Variants in OSBPL7 observed in about 807,000 individuals in gnomAD.
OSBPL7 encodes the protein oxysterol binding protein like 7.
OSBPL7 carries 66 observed loss-of-function variants against 115.8 expected under a neutral mutation model. The ratio of observed to expected loss-of-function variants is 0.57; its 90% CI spans 0.47 to 0.70. The LOEUF (loss-of-function observed/expected upper bound fraction) is 0.70, where lower values mean the gene tolerates loss of function less well. Ranked by LOEUF, OSBPL7 falls within the 30% of genes least tolerant of loss-of-function variation. The pLI, the probability that OSBPL7 is intolerant of heterozygous loss-of-function variation, is 0.00. For synonymous variants in OSBPL7, 441 were observed against 439.2 expected, an observed-to-expected ratio of 1.00 and a Z score of -0.05; for missense variants, 902 against 1,125.5, an observed-to-expected ratio of 0.80 and a Z score of 2.84.
chr17:47,810,305 C>G (rs1463001281), intron 18 of OSBPL7, among the ~76,000 whole-genome samples: 1 of 152,168 alleles, frequency 6.6e-6, no homozygotes, highest in African/African-American at 2.4e-5. Context: ...GTCTCAAAGG[C>G]ATTTCTGACT....
At chr17:47,821,227 G>A (rs911198077) in intron 1 of OSBPL7, among the ~76,000 whole-genome samples, 2 of 152,132 alleles carry the variant, frequency 1.3e-5, no homozygotes, top group African/African-American at 2.4e-5. Context: ...TGTGTGAGAC[G>A]GGGGAGGGGA....
Position 47,808,673 on chromosome 17 carries a change from A to T in OSBPL7, c.2298-13T>A. 6.2e-7 allele frequency: 1 copy of T among 1,613,990 alleles called. No individual in the cohort carries two copies. The highest frequency in any genetic ancestry group is 8.5e-7 in the Non-Finnish European group (1 of 1,179,942). ...CTCCTCCAGGTACCTGAGGATCCAGATCAAACTCAGGGGAACTGCCCATCT... is the reference window on the plus strand; with the variant it reads ...CTCCTCCAGGTACCTGAGGATCCAGTTCAAACTCAGGGGAACTGCCCATCT... On this transcript the variant is annotated splice_polypyrimidine_tract_variant and intron_variant, in intron 21 of 22. Transcript: ENST00000007414. This position sits in a 1 kb window ranked among gnomAD's most constrained non-coding sequence, Gnocchi z 6.1.
chr17:47,814,880 T>C (rs1339184619), intron 13 of OSBPL7: 4 of 560,268 alleles, frequency 7.1e-6, no homozygotes, highest in African/African-American at 1.9e-5. Context: ...GGAAGGGAAG[T>C]TGGGGATTAC....
chr17:47,809,101 T>C lies in OSBPL7; in HGVS notation c.2145A>G (p.Pro715=), dbSNP rs2032949846. The part of the protein sequence containing the change: ...WHEGLYRGPT[P]GGQCIWKPNS... ...TGGGTTTCCAGATGCACTGGCCACC[T>C]GGCGTGGGTCCCCGGTACAGCCCCT... Residue 715 remains proline (P), a synonymous_variant, in exon 20 of 23, where the codon CCA becomes CCG. Transcript: ENST00000007414. The C allele has an allele frequency of 3.7e-6, 6 of 1,614,094 alleles. No individual in the cohort carries two copies. Among genetic ancestry groups the C allele is most frequent in the Non-Finnish European group, 4.2e-6 (5 of 1,180,028 alleles).
At chr17:47,817,391 C>A (rs746799922) in intron 7 of OSBPL7, 32 bp from the exon 8 acceptor site, 2 of 1,505,760 alleles carry the variant, frequency 1.3e-6, no homozygotes, top group African/African-American at 1.4e-5. Context: ...ACAAGAACAC[C>A]ATTCATTTTT....
At position 47,810,607 on chromosome 17, in the gene OSBPL7, C is replaced by T. The variant is rs1005824675; in HGVS notation, c.1867G>A (p.Val623Ile). The T allele has an allele frequency of 9.9e-6, 16 of 1,613,936 alleles. No homozygotes were observed. The highest frequency in any genetic ancestry group is 2.2e-5 in the East Asian group (1 of 44,894). Residue 623 changes from valine (V) to isoleucine (I), a missense_variant, in exon 18 of 23, where the codon GTC becomes ATC. By Grantham distance (29) the Val-to-Ile change is conservative. Transcript: ENST00000007414. ...LEIVPVGTVN[V>I]SLPRFGDHFE... Reference sequence around the variant, plus strand: ...TAAGAATCCCACCTGGGCAGGCTGACGTTGACTGTTCCCACAGGCACAATC... The same window carrying T: ...TAAGAATCCCACCTGGGCAGGCTGATGTTGACTGTTCCCACAGGCACAATC...
Position 47,818,340 on chromosome 17 carries a change from G to C in OSBPL7, c.527C>G (p.Pro176Arg), listed in dbSNP as rs771238399. 2 of 1,614,184 alleles carry C rather than the reference G, an allele frequency of 1.2e-6. No individual in the cohort carries two copies. Among genetic ancestry groups the C allele is most frequent in the Admixed American group, 1.7e-5 (1 of 60,020 alleles). Residue 176 changes from proline to arginine, a missense_variant, in exon 7 of 23, where the codon CCT becomes CGT. By Grantham distance (103) the Pro-to-Arg change is moderately radical. Transcript: ENST00000007414. ...CACTTTCTCCCGCGGTCCAAGCCCA[G>C]GTAGGGCTGAGGCAGTAGCTGCTGT... ...LPTAATASAL[P>R]GLGPREKVSS...
In OSBPL7 at chr17:47,815,272, G is replaced by A. The variant is rs754179883; in HGVS notation, c.1200C>T (p.His400=). 3.7e-6 allele frequency: 6 copies of A among 1,614,022 alleles called. No individual in the cohort carries two copies. The highest frequency in any genetic ancestry group is 3.3e-4 in the Middle Eastern group (2 of 6,058). The part of the protein sequence containing the change: ...QTSILSLADS[H]TEFFDACEVL... ...CCTCGCAGGCATCGAAGAACTCCGTGTGGGAATCAGCAAGGGACAGGATGC... is the reference window on the plus strand; with the variant it reads ...CCTCGCAGGCATCGAAGAACTCCGTATGGGAATCAGCAAGGGACAGGATGC... The change falls in exon 13 of 23, where the codon CAC becomes CAT. Residue 400 remains histidine (H), a synonymous_variant. Coordinates refer to ENST00000007414, the MANE Select transcript of OSBPL7 (RefSeq NM_145798.3).
chr17:47,809,597 A>G (rs1205003034), intron 18 of OSBPL7, 119 bp from the exon 19 acceptor site: 5 of 1,163,790 alleles, frequency 4.3e-6, no homozygotes, highest in Non-Finnish European at 6.0e-6. Flanking sequence ...TGGGGTCCCA[A>G]CTCCAGTTCT....
Position 47,819,099 on chromosome 17 carries a change from T to C in OSBPL7, c.256A>G (p.Ile86Val). 6.2e-7 allele frequency: 1 copy of C among 1,613,366 alleles called. No homozygotes were observed. Among genetic ancestry groups the C allele is most frequent in the Non-Finnish European group, 8.5e-7 (1 of 1,179,374 alleles). ...ILHYATTRQD[I>V]TKGKLHGSID... The stretch of plus-strand genomic sequence containing the variant: ...GAGCCATGGAGCTTCCCCTTGGTGA[T>C]CTGGGGGTGAAGTGTTGGTAGAGGG... Residue 86 changes from isoleucine (I) to valine (V), a missense_variant and splice_region_variant, in exon 5 of 23, where the codon ATC becomes GTC. By Grantham distance (29) the Ile-to-Val change is conservative. Around this residue, in one of 3 missense-constraint regions of OSBPL7, gnomAD observed 667 missense variants for 788.7 expected, o/e 0.85. Transcript: ENST00000007414.
At chr17:47,810,241 T>G (rs2032998100) in intron 18 of OSBPL7, among the ~76,000 whole-genome samples, 1 of 152,156 alleles carries the variant, frequency 6.6e-6, no homozygotes, top group South Asian at 2.1e-4. Context: ...GACCCCTGAG[T>G]CCTGAGATCA....
chr17:47,819,788 A>T lies in OSBPL7; in HGVS notation c.202-6T>A, dbSNP rs751760726. ...TCCTCGAGCACAAAGTATCTCTGTGATGTTGCCCAGGAGTGACAGGACCCG... is the reference window on the plus strand; with the variant it reads ...TCCTCGAGCACAAAGTATCTCTGTGTTGTTGCCCAGGAGTGACAGGACCCG... On this transcript the variant is annotated splice_polypyrimidine_tract_variant and splice_region_variant and intron_variant, in intron 3 of 22. Coordinates refer to ENST00000007414, the MANE Select transcript of OSBPL7 (RefSeq NM_145798.3). The T allele has an allele frequency of 1.9e-6, 3 of 1,614,074 alleles. No individual in the cohort carries two copies. In the Admixed American group the frequency reaches 5.0e-5, roughly 27 times the overall value.
chr17:47,813,954 C>A (rs753956604), intron 14 of OSBPL7, 120 bp from the exon 15 acceptor site: 48 of 1,330,220 alleles, frequency 3.6e-5, no homozygotes, highest in Non-Finnish European at 3.0e-6. Context: ...CGCCCCTGAG[C>A]CCTTGTCTCG....
chr17:47,816,661 G>A lies in OSBPL7; in HGVS notation c.830C>T (p.Ser277Phe). 1 of 1,614,126 alleles carries A rather than the reference G, an allele frequency of 6.2e-7. No homozygotes were observed. Among genetic ancestry groups the A allele is most frequent in the Non-Finnish European group, 8.5e-7 (1 of 1,180,036 alleles). Residue 277 changes from serine to phenylalanine, a missense_variant, in exon 10 of 23, where the codon TCT (serine) becomes TTT (phenylalanine). Ser to Phe is a radical substitution (Grantham distance 155, BLOSUM62 -2). Coordinates refer to ENST00000007414, the MANE Select transcript of OSBPL7 (RefSeq NM_145798.3). This position sits in a 1 kb window ranked among gnomAD's most constrained non-coding sequence, Gnocchi z 5.8. ...GRLHGSVPNL[S>F]RYLESRDSSG... ...GGAGTCCCGAGACTCCAGGTAGCGA[G>A]ACAGGTTGGGAACAGAGCCATGGAG...
intron 4 of OSBPL7, 51 bp from the exon 5 acceptor site, chr17:47,819,150 G>C (rs751591649): frequency 6.8e-7 from 1 of 1,465,430 alleles, no homozygotes. Flanking sequence ...TAGGCTCTCA[G>C]AGCCATAGAG....
intron 7 of OSBPL7, among the ~76,000 whole-genome samples, chr17:47,818,042 C>T (rs567690781): frequency 1.3e-5 from 2 of 152,348 alleles, no homozygotes; most frequent in East Asian, 3.9e-4. Flanking sequence ...TTTGTCACAA[C>T]TCCTGTCCCT....
In OSBPL7 at chr17:47,808,048, C is replaced by T; in HGVS notation, c.*243G>A. On this transcript the variant is annotated 3_prime_UTR_variant, in exon 23 of 23. Coordinates refer to ENST00000007414, the MANE Select transcript of OSBPL7 (RefSeq NM_145798.3). This position sits in a 1 kb window ranked among gnomAD's most constrained non-coding sequence, Gnocchi z 6.1. Reference sequence around the variant, plus strand: ...GAATGGTGAAGCGGGAAGGGTCTTACATGCTGGTTGTCTGGGGCAAGGAGA... The same window carrying T: ...GAATGGTGAAGCGGGAAGGGTCTTATATGCTGGTTGTCTGGGGCAAGGAGA... 1.8e-6 allele frequency: 1 copy of T among 562,490 alleles called. No individual in the cohort carries two copies. Among genetic ancestry groups the T allele is most frequent in the South Asian group, 2.2e-5 (1 of 46,384 alleles). 34.8% of individuals were successfully genotyped at this position (562,490 alleles called of 1,614,324 possible). A position where few individuals can be genotyped will look rare whatever the true frequency, so the allele number is the denominator to read the frequency against.
In OSBPL7 at chr17:47,816,781, C is replaced by G; in HGVS notation, c.794G>C (p.Arg265Pro). 1 of 1,614,158 alleles carries G rather than the reference C, an allele frequency of 6.2e-7. No homozygotes were observed. The highest frequency in any genetic ancestry group is 2.2e-5 in the East Asian group (1 of 44,872). ...QSFAKDDTIG[R>P]VGRLHGSVPN... Reference sequence around the variant, plus strand: ...CGTGAGGTGCATGCCCGACCTCACCCGTCCAATGGTGTCATCCTTGGCAAA... The same window carrying G: ...CGTGAGGTGCATGCCCGACCTCACCGGTCCAATGGTGTCATCCTTGGCAAA... The change falls in exon 9 of 23, where the codon CGG (arginine) becomes CCG (proline). Residue 265 changes from arginine to proline, a missense_variant and splice_region_variant. By Grantham distance (103) the Arg-to-Pro change is moderately radical. This residue lies in a region of OSBPL7 where 667 missense variants were observed against 788.7 expected (regional missense o/e 0.85). Coordinates refer to ENST00000007414, the MANE Select transcript of OSBPL7 (RefSeq NM_145798.3). This position sits in a 1 kb window ranked among gnomAD's most constrained non-coding sequence, Gnocchi z 5.8.
intron 7 of OSBPL7, among the ~76,000 whole-genome samples, chr17:47,817,893 C>G (rs1391233525): frequency 6.6e-6 from 1 of 151,286 alleles, no homozygotes; most frequent in Non-Finnish European, 1.5e-5. Context: ...TGCTCACCCT[C>G]TCTCTCTCTC....
Sources: gnomAD v4.1 joint callset for allele counts (sites outside exome capture counted in the v4.1 genomes callset) on GRCh38, gnomAD v4.1.1 for gene constraint, gnomAD v4.1.1 regional missense constraint, Gnocchi (gnomAD v3.1) non-coding constraint, MANE v1.5 for transcripts, NCBI Gene and HGNC (gene_info 2026-07-23, HGNC 2026-07-21) for gene names.